The following DYNLRB2 variants were observed in gnomAD, a reference collection of about 807,000 sequenced individuals.
The protein encoded by DYNLRB2 is bithoraxoid-like protein.
A neutral mutation model predicts 12.6 loss-of-function variants in DYNLRB2; 14 were observed. The observed-to-expected ratio is 1.11, with a 90% CI of 0.73 to 1.73. The LOEUF is 1.73. DYNLRB2 is among the 40% of genes most tolerant of loss of function. The pLI, the probability that DYNLRB2 is intolerant of heterozygous loss-of-function variation, is 0.00. For synonymous variants in DYNLRB2, 53 were observed against 37.0 expected (o/e 1.43, Z -1.57); for missense variants, 142 against 117.7 (o/e 1.21, Z -0.95).
intron 2 of DYNLRB2, among the ~76,000 whole-genome samples, chr16:80,547,103 G>T (rs1369121871): frequency 6.6e-6 from 1 of 152,178 alleles, no homozygotes; most frequent in Non-Finnish European, 1.5e-5. Context: ...ATGCTCATCA[G>T]CAGGACATAT....
upstream of DYNLRB2, chr16:80,540,809 C>T (rs1263914655): frequency 5.6e-6 from 4 of 708,586 alleles, no homozygotes; most frequent in East Asian, 8.0e-5. Flanking sequence ...ACCCACTTCC[C>T]TCTTCCCTCC....
intron 1 of DYNLRB2, among the ~76,000 whole-genome samples, chr16:80,542,739 A>G (rs1159201145): frequency 6.6e-6 from 1 of 152,184 alleles, no homozygotes; most frequent in Non-Finnish European, 1.5e-5. Flanking sequence ...AAATCCTAGA[A>G]TCCTGGAATA....
intron 2 of DYNLRB2, chr16:80,548,051 T>A (rs979838853): frequency 1.6e-5 from 5 of 309,658 alleles, no homozygotes; most frequent in Non-Finnish European, 2.5e-5. Flanking sequence ...AAAGCGCTTG[T>A]CTCGTTTAAT....
chr16:80,549,603 A>C lies in DYNLRB2; in HGVS notation c.199A>C (p.Thr67Pro). The change falls in exon 3 of 4, where the codon ACT (threonine) becomes CCT (proline). Residue 67 changes from threonine (T) to proline (P), a missense_variant. By Grantham distance (38) the Thr-to-Pro change is conservative. Transcript: ENST00000305904. Reference protein sequence around the residue: ...VRDIDPQNDLTFLRIRSKKHE... With the variant: ...VRDIDPQNDLPFLRIRSKKHE... Reference sequence around the variant, plus strand: ...TGATATTGATCCTCAGAACGACCTGACTTTTCTTAGGATCAGATCAAAGAA... The same window carrying C: ...TGATATTGATCCTCAGAACGACCTGCCTTTTCTTAGGATCAGATCAAAGAA... 1.2e-6 allele frequency: 2 copies of C among 1,612,640 alleles called. No homozygotes were observed. The highest frequency in any genetic ancestry group is 1.7e-6 in the Non-Finnish European group (2 of 1,178,938).
intron 2 of DYNLRB2, chr16:80,548,888 T>A (rs1026831789): frequency 2.2e-6 from 1 of 454,952 alleles, no homozygotes; most frequent in African/African-American, 2.0e-5. Context: ...GAGGAGTCCC[T>A]TTTGATGTAC....
chr16:80,543,182 A>C (rs748122622), intron 1 of DYNLRB2, 94 bp from the exon 2 acceptor site: 66 of 1,257,540 alleles, frequency 5.2e-5, no homozygotes, highest in African/African-American at 9.0e-5. Context: ...GGTTAAGGAG[A>C]TAGGAGAGTA....
At chr16:80,541,218 C>T (rs975869782) in intron 1 of DYNLRB2, 139 bp downstream of exon 1, 1 of 1,440,396 alleles carries the variant, frequency 6.9e-7, no homozygotes, top group Non-Finnish European at 9.2e-7. Flanking sequence ...CAGGATCTTC[C>T]TGGAGGGGCG....
chr16:80,548,859 G>C (rs536063689), intron 2 of DYNLRB2: 1 of 440,840 alleles, frequency 2.3e-6, no homozygotes, highest in Admixed American at 2.4e-5. Context: ...TAAAACTTAA[G>C]ATTTGTGAAA....
chr16:80,542,021 G>A (rs1433386166), intron 1 of DYNLRB2, among the ~76,000 whole-genome samples: 1 of 152,258 alleles, frequency 6.6e-6, no homozygotes, highest in African/African-American at 2.4e-5. Flanking sequence ...ACTACATACA[G>A]GAGAAAATTT....
rs1300347350 is a variant in DYNLRB2 at position 80,543,358 on chromosome 16, A to G, written c.79+7A>G. 6.2e-7 allele frequency: 1 copy of G among 1,613,878 alleles called. No homozygotes were observed. Among genetic ancestry groups the G allele is most frequent in the Non-Finnish European group, 8.5e-7 (1 of 1,179,802 alleles). On this transcript the variant is annotated splice_region_variant and intron_variant, in intron 2 of 3. Coordinates refer to ENST00000305904, the MANE Select transcript of DYNLRB2 (RefSeq NM_130897.3). ...ATGGTTGTAAATGCAGAAGGTAAATATATCACAGGCTGTCTTCTTGACACA... is the reference window on the plus strand; with the variant it reads ...ATGGTTGTAAATGCAGAAGGTAAATGTATCACAGGCTGTCTTCTTGACACA...
chr16:80,541,774 TA>T (rs1226367814), intron 1 of DYNLRB2, among the ~76,000 whole-genome samples: 4 of 151,772 alleles, frequency 2.6e-5, no homozygotes, highest in Non-Finnish European at 5.9e-5. Flanking sequence ...GGGAGATAAG[TA>T]AAGGGAGAAA....
chr16:80,550,401 C>T (rs1904768543), intron 3 of DYNLRB2, 114 bp from the exon 4 acceptor site: 5 of 1,240,282 alleles, frequency 4.0e-6, no homozygotes, highest in Admixed American at 3.5e-5. Context: ...GGGTGGGAAA[C>T]CATCTGTCTG....
In DYNLRB2 at chr16:80,550,735, T is replaced by G. The variant is rs1449553788; in HGVS notation, c.*177T>G. 1 of 669,838 alleles carries G rather than the reference T, an allele frequency of 1.5e-6. No individual in the cohort carries two copies. The highest frequency in any genetic ancestry group is 2.8e-5 in the Admixed American group (1 of 35,100). The allele number at this position is 669,838 out of a possible 1,614,324, so 41.5% of individuals were successfully genotyped here. A position where few individuals can be genotyped will look rare whatever the true frequency, so the allele number is the denominator to read the frequency against. On this transcript the variant is annotated 3_prime_UTR_variant, in exon 4 of 4. Coordinates refer to ENST00000305904, the MANE Select transcript of DYNLRB2 (RefSeq NM_130897.3). Reference sequence around the variant, plus strand: ...TTTTGATTATATTGTGAAGTTGTACTTTAGTGATACAATAAGTGAATTCTG... The same window carrying G: ...TTTTGATTATATTGTGAAGTTGTACGTTAGTGATACAATAAGTGAATTCTG...
chr16:80,549,049 C>A, intron 2 of DYNLRB2: 1 of 455,276 alleles, frequency 2.2e-6, no homozygotes, highest in Non-Finnish European at 4.4e-6. Flanking sequence ...TAACTTAGTA[C>A]TCAAGTAGTC....
Position 80,541,093 on chromosome 16 carries a change from C to A in DYNLRB2, c.3+14C>A, listed in dbSNP as rs370337674. 99 of 1,603,068 alleles carry A rather than the reference C, an allele frequency of 6.2e-5. No homozygotes were observed. Among genetic ancestry groups the A allele is most frequent in the Non-Finnish European group, 8.2e-5 (96 of 1,173,736 alleles). ...GCCTCCGCGATGGTAAATCTGGGGT[C>A]TCCGTCCACGCCCCGCCGTTCCAAG... On this transcript the variant is annotated intron_variant, in intron 1 of 3. Transcript: ENST00000305904.
intron 3 of DYNLRB2, among the ~76,000 whole-genome samples, chr16:80,550,130 A>G (rs1904747878): frequency 6.6e-6 from 1 of 152,248 alleles, no homozygotes. Context: ...ATGACTGTAC[A>G]ATGGGACCTA....
Position 80,543,437 on chromosome 16 carries a change from C to T in DYNLRB2, c.79+86C>T, listed in dbSNP as rs944912023. ...TGTTAGTCCTTAAGACAAACATCTTCGAATTTGACATCAAAAATATATTTA... is the reference window on the plus strand; with the variant it reads ...TGTTAGTCCTTAAGACAAACATCTTTGAATTTGACATCAAAAATATATTTA... On this transcript the variant is annotated intron_variant, in intron 2 of 3. Coordinates refer to ENST00000305904, the MANE Select transcript of DYNLRB2 (RefSeq NM_130897.3). 24 of 1,236,450 alleles carry T rather than the reference C, an allele frequency of 1.9e-5. No individual in the cohort carries two copies. In the African/African-American group the frequency reaches 2.6e-4, roughly 13 times the overall value. The allele number at this position is 1,236,450 out of a possible 1,614,324, so 76.6% of individuals were successfully genotyped here. A position where few individuals can be genotyped will look rare whatever the true frequency, so the allele number is the denominator to read the frequency against.
At chr16:80,541,219 T>G (rs1456712152) in intron 1 of DYNLRB2, 140 bp downstream of exon 1, 2 of 1,438,648 alleles carry the variant, frequency 1.4e-6, no homozygotes, top group Non-Finnish European at 1.8e-6. Flanking sequence ...AGGATCTTCC[T>G]GGAGGGGCGA....
intron 1 of DYNLRB2, among the ~76,000 whole-genome samples, chr16:80,543,060 C>G (rs1904303381): frequency 6.6e-6 from 1 of 152,160 alleles, no homozygotes; most frequent in African/African-American, 2.4e-5. Flanking sequence ...GGGTTCAAGC[C>G]AAGAGATTCA....
Sources: gnomAD v4.1 joint callset for allele counts (sites outside exome capture counted in the v4.1 genomes callset) on GRCh38, gnomAD v4.1.1 for gene constraint, MANE v1.5 for transcripts, NCBI Gene and HGNC (gene_info 2026-07-23, HGNC 2026-07-21) for gene names.